ANO5: variants seen among roughly 807,000 people sequenced by gnomAD.
The protein encoded by ANO5 is anoctamin 5.
Under a neutral mutation model 121.0 loss-of-function variants are expected in ANO5, and 109 were observed. The observed-to-expected ratio is 0.90, with a 90% CI of 0.77 to 1.06. The LOEUF (loss-of-function observed/expected upper bound fraction) is 1.06, where lower values mean the gene tolerates loss of function less well. ANO5 is among the 50% of genes least tolerant of loss of function. The pLI, the probability that ANO5 is intolerant of heterozygous loss-of-function variation, is 0.00. For synonymous variants in ANO5, 406 were observed against 359.9 expected, an observed-to-expected ratio of 1.13 and a Z score of -1.45; for missense variants, 1,064 against 1,078.5, an observed-to-expected ratio of 0.99 and a Z score of 0.19.
chr11:22,270,513 T>C, intron 18 of ANO5, 71 bp downstream of exon 18: 1 of 1,520,656 alleles, frequency 6.6e-7, no homozygotes, highest in Non-Finnish European at 9.1e-7. Context: ...CAGATACTTC[T>C]TTCTGCCTTG....
At position 22,274,766 on chromosome 11, in the gene ANO5, TG is replaced by T; in HGVS notation, c.2414+20del. 1 of 1,612,046 alleles carries T rather than the reference TG, an allele frequency of 6.2e-7. No homozygotes were observed. Among genetic ancestry groups the T allele is most frequent in the Non-Finnish European group, 8.5e-7 (1 of 1,179,132 alleles). ...CTTGCAGGTGATTTGTTTGTTTGTT[TG>T]TTTAGGTTTTAGTTTTATCCCTTAA... On this transcript the variant is annotated intron_variant, in intron 20 of 21. Coordinates refer to ENST00000324559, the MANE Select transcript of ANO5 (RefSeq NM_213599.3).
At chr11:22,254,757 ATTC>A (rs1460762403) in intron 12 of ANO5, among the ~76,000 whole-genome samples, 6 of 152,120 alleles carry the variant, frequency 3.9e-5, no homozygotes, top group Non-Finnish European at 5.9e-5. Flanking sequence ...GTAAATATAT[ATTC>A]TTCAATTGAA....
At position 22,280,580 on chromosome 11, in the gene ANO5, A is replaced by G. The variant is rs1253986723; in HGVS notation, c.*815A>G. On this transcript the variant is annotated 3_prime_UTR_variant, in exon 22 of 22. Coordinates refer to ENST00000324559, the MANE Select transcript of ANO5 (RefSeq NM_213599.3). ...GTAGTTAATGGATGCAGGACAATGT[A>G]TATTGATTAATTTGTTGATTTTAAT... 6.6e-6 allele frequency: 1 copy of G among 151,958 alleles called. No individual in the cohort carries two copies. The highest frequency in any genetic ancestry group is 1.5e-5 in the Non-Finnish European group (1 of 67,858). The allele number at this position is 151,958 out of a possible 1,614,324, so 9.4% of individuals were successfully genotyped here. A position where few individuals can be genotyped will look rare whatever the true frequency, so the allele number is the denominator to read the frequency against.
chr11:22,283,140 A>T lies in ANO5; in HGVS notation c.*3375A>T, dbSNP rs1290444384. On this transcript the variant is annotated 3_prime_UTR_variant, in exon 22 of 22. Transcript: ENST00000324559. The stretch of plus-strand genomic sequence containing the variant: ...TGAGATACCTGCTTCCTCCTCCTCA[A>T]AGGTTTGACTGGGTGTATCTCTCCT... The T allele has an allele frequency of 6.6e-6, 1 of 152,176 alleles. No homozygotes were observed. The highest frequency in any genetic ancestry group is 1.5e-5 in the Non-Finnish European group (1 of 68,022). The allele number at this position is 152,176 out of a possible 1,614,324, so 9.4% of individuals were successfully genotyped here. A position where few individuals can be genotyped will look rare whatever the true frequency, so the allele number is the denominator to read the frequency against.
intron 17 of ANO5, among the ~76,000 whole-genome samples, chr11:22,265,766 A>G (rs1854338140): frequency 6.6e-6 from 1 of 152,130 alleles, no homozygotes; most frequent in Non-Finnish European, 1.5e-5. Context: ...TGGCCAAGGA[A>G]CTAAAATAAC....
At chr11:22,256,921 C>A (rs1249450838) in intron 13 of ANO5, among the ~76,000 whole-genome samples, 2 of 152,092 alleles carry the variant, frequency 1.3e-5, no homozygotes, top group African/African-American at 4.8e-5. Context: ...ACATATATGC[C>A]TACATGCACA....
At position 22,279,669 on chromosome 11, in the gene ANO5, C is replaced by G. The variant is rs34969327; in HGVS notation, c.2646C>G (p.Asn882Lys). 1.8e-3 allele frequency: 2,917 copies of G among 1,612,758 alleles called. 56 individuals carry two copies. In the African/African-American group the frequency reaches 0.035, roughly 19 times the overall value. Residue 882 changes from asparagine to lysine, a missense_variant, in exon 22 of 22, where the codon AAC becomes AAG. Transcript: ENST00000324559. ...TIKILHDFELNKLKENLGINS... is the reference protein window; with the variant it reads ...TIKILHDFELKKLKENLGINS... ...AGATTCTCCATGATTTTGAGCTCAA[C>G]AAATTAAAAGAGAACTTGGGAATTA...
intron 18 of ANO5, among the ~76,000 whole-genome samples, chr11:22,271,814 T>A (rs1040271733): frequency 1.1e-4 from 16 of 152,212 alleles, no homozygotes; most frequent in Admixed American, 3.3e-4. Context: ...GGTAAAGATA[T>A]TAGATGTGAA....
chr11:22,255,609 C>T, intron 13 of ANO5, 87 bp downstream of exon 13: 1 of 1,500,502 alleles, frequency 6.7e-7, no homozygotes, highest in Non-Finnish European at 9.2e-7. Context: ...GTTTATTTTG[C>T]CTTTAAAATA....
At chr11:22,228,741 T>C (rs923120479) in intron 7 of ANO5, among the ~76,000 whole-genome samples, 5 of 152,010 alleles carry the variant, frequency 3.3e-5, no homozygotes, top group Admixed American at 1.3e-4. Flanking sequence ...TCATATGGTG[T>C]TGATCTTTCT....
At chr11:22,229,245 C>A (rs575091280) in intron 7 of ANO5, among the ~76,000 whole-genome samples, 1 of 151,904 alleles carries the variant, frequency 6.6e-6, no homozygotes, top group Non-Finnish European at 1.5e-5. Flanking sequence ...TCACAAGATT[C>A]TTTTCCTTGA....
At chr11:22,276,027 G>A (rs1854827016) in intron 20 of ANO5, 67 bp from the exon 21 acceptor site, 1 of 1,062,622 alleles carries the variant, frequency 9.4e-7, no homozygotes, top group Admixed American at 1.9e-5. Context: ...GAAATTATGT[G>A]AGGTCTCTCT....
At chr11:22,270,893 G>A (rs1854587114) in intron 18 of ANO5, among the ~76,000 whole-genome samples, 1 of 152,116 alleles carries the variant, frequency 6.6e-6, no homozygotes, top group South Asian at 2.1e-4. Flanking sequence ...GATTGTGTAA[G>A]GGAAATATAA....
In ANO5 at chr11:22,239,629, C is replaced by T. The variant is rs766994696; in HGVS notation, c.823C>T (p.Gln275Ter). 6.2e-7 allele frequency: 1 copy of T among 1,612,978 alleles called. No individual in the cohort carries two copies. The highest frequency in any genetic ancestry group is 2.2e-5 in the East Asian group (1 of 44,790). Residue 275 changes from glutamine to a stop codon, truncating the protein, a stop_gained, in exon 9 of 22, where the codon CAG becomes TAG. Transcript: ENST00000324559. LOFTEE classifies it high-confidence loss of function. ...TACCAATGAAAGATACACACTTCAC[C>T]AGAATTGGGCTCGATTTTCCTATTT... is the stretch of plus-strand genomic sequence containing the variant. ...NPTNERYTLH[Q>*]NWARFSYFYK...
rs1262265204 is a variant in ANO5 at position 22,274,688 on chromosome 11, G to A, written c.2355G>A (p.Leu785=). Residue 785 remains leucine (L), a synonymous_variant, in exon 20 of 22, where the codon CTG becomes CTA. Transcript: ENST00000324559. The part of the protein sequence containing the change: ...GYVNNSLSVF[L]IADFPNHTAP... ...TGAATAATAGCCTGTCAGTATTCCTGATAGCTGATTTTCCAAACCACACTG... is the reference window on the plus strand; with the variant it reads ...TGAATAATAGCCTGTCAGTATTCCTAATAGCTGATTTTCCAAACCACACTG... 1 of 1,613,540 alleles carries A rather than the reference G, an allele frequency of 6.2e-7. No homozygotes were observed. Among genetic ancestry groups the A allele is most frequent in the Admixed American group, 1.7e-5 (1 of 59,982 alleles).
At chr11:22,263,166 G>T in intron 17 of ANO5, 123 bp downstream of exon 17, 1 of 766,300 alleles carries the variant, frequency 1.3e-6, no homozygotes, top group South Asian at 1.6e-5. Context: ...CCAAAAGAAA[G>T]CTTTATTTTT....
intron 7 of ANO5, among the ~76,000 whole-genome samples, chr11:22,230,707 G>A (rs1358165277): frequency 6.6e-6 from 1 of 151,908 alleles, no homozygotes; most frequent in African/African-American, 2.4e-5. Flanking sequence ...ACAGACAAAA[G>A]TGATGCAAAC....
chr11:22,236,910 A>C (rs1456205908), intron 8 of ANO5, among the ~76,000 whole-genome samples: 1 of 152,202 alleles, frequency 6.6e-6, no homozygotes, highest in Non-Finnish European at 1.5e-5. Context: ...TGAGTTTATA[A>C]GTTTAATAGA....
intron 9 of ANO5, among the ~76,000 whole-genome samples, chr11:22,248,621 ATACT>A (rs559033211): frequency 6.0e-4 from 91 of 152,160 alleles, no homozygotes; most frequent in African/African-American, 2.1e-3. Context: ...CATGTAATAA[ATACT>A]TACCTGATTT....
Sources: allele counts gnomAD v4.1 joint callset (sites outside exome capture counted in the v4.1 genomes callset), GRCh38; gene constraint gnomAD v4.1.1; transcripts MANE v1.5; gene names NCBI Gene and HGNC (gene_info 2026-07-23, HGNC 2026-07-21).